Variants in SURF4 observed in about 807,000 individuals in gnomAD.
SURF4 encodes surfeit locus protein 4.
In SURF4, 3 loss-of-function variants were observed where a neutral mutation model predicts 30.0. That is an observed-to-expected ratio of 0.10 (90% CI 0.05 to 0.26). The LOEUF is 0.26. Among genes scored for constraint, SURF4 ranks in the 10% least tolerant of loss-of-function variants. The pLI is 1.00. For missense variants in SURF4, 217 were observed against 350.8 expected, an observed-to-expected ratio of 0.62 and a Z score of 3.05; for synonymous variants, 143 against 139.9, an observed-to-expected ratio of 1.02 and a Z score of -0.16.
Position 133,368,456 on chromosome 9 carries a change from T to G in SURF4, c.49-1011A>C, listed in dbSNP as rs960822928. Among the ~76,000 whole-genome samples, 4 of 152,258 alleles carry G rather than the reference T, an allele frequency of 2.6e-5. No individual in the cohort carries two copies. The South Asian group carries it at 8.3e-4, about 31-fold the overall frequency. ...CAAGCTCAGGATCTGACGTGGGGAC[T>G]GTGTGTGCAGCAACCGTCAGCGCAG... is the stretch of plus-strand genomic sequence containing the variant. On this transcript the variant is annotated intron_variant, in intron 1 of 5. Coordinates refer to ENST00000371989, the MANE Select transcript of SURF4 (RefSeq NM_033161.4).
At chr9:133,376,093 C>A, upstream of SURF4, 2 of 1,203,066 alleles carry the variant, frequency 1.7e-6, no homozygotes, top group Non-Finnish European at 2.1e-6. Context: ...GCGTCGGCTG[C>A]GGCTCCAGCG....
intron 1 of SURF4, chr9:133,371,228 A>G: frequency 1.4e-6 from 1 of 702,390 alleles, no homozygotes; most frequent in Non-Finnish European, 1.7e-6. Context: ...GATTTCCTTG[A>G]TCACCAAGGA....
intron 1 of SURF4, chr9:133,370,914 C>G: frequency 7.8e-7 from 1 of 1,289,704 alleles, no homozygotes; most frequent in Non-Finnish European, 1.0e-6. Flanking sequence ...CTCCGAGAAC[C>G]GCGCCATCAA....
chr9:133,365,408 GTC>G (rs1340149759), intron 4 of SURF4, among the ~76,000 whole-genome samples: 1 of 152,280 alleles, frequency 6.6e-6, no homozygotes, highest in East Asian at 1.9e-4. Flanking sequence ...GACGGCTTCA[GTC>G]TCTACTATTC....
At position 133,363,898 on chromosome 9, in the gene SURF4, G is replaced by T. The variant is rs2130095982; in HGVS notation, c.544-139C>A. 4.6e-6 allele frequency: 5 copies of T among 1,092,306 alleles called. No homozygotes were observed. Among genetic ancestry groups the T allele is most frequent in the African/African-American group, 3.1e-5 (2 of 64,038 alleles). The allele number at this position is 1,092,306 out of a possible 1,614,324, so 67.7% of individuals were successfully genotyped here. ...AGCTACTGCTGAGACGGCTGCTGGT[G>T]CAAGTAGGGAGATAAAAGCCAAAGG... On this transcript the variant is annotated intron_variant, in intron 5 of 5. Coordinates refer to ENST00000371989, the MANE Select transcript of SURF4 (RefSeq NM_033161.4). This position sits in a 1 kb window ranked among gnomAD's most constrained non-coding sequence, Gnocchi z 4.3.
intron 5 of SURF4, among the ~76,000 whole-genome samples, chr9:133,364,619 G>A (rs1439778309): frequency 2.0e-5 from 3 of 151,852 alleles, no homozygotes; most frequent in African/African-American, 4.8e-5. Flanking sequence ...GTGAACCCGG[G>A]AGGCGGAACT....
intron 1 of SURF4, 64 bp from the exon 2 acceptor site, chr9:133,367,509 G>A: frequency 6.2e-7 from 1 of 1,601,470 alleles, no homozygotes. Context: ...CCGCTGCCAG[G>A]CACGTCCTTG....
chr9:133,364,166 C>T lies in SURF4; in HGVS notation c.544-407G>A, dbSNP rs185835197. On this transcript the variant is annotated intron_variant, in intron 5 of 5. Coordinates refer to ENST00000371989, the MANE Select transcript of SURF4 (RefSeq NM_033161.4). The stretch of plus-strand genomic sequence containing the variant: ...GCTCTCAGTCAGCTCCGGAGGTGTG[C>T]TCTGGAAGCTCCTGGAGGCCTGCCC... Among the ~76,000 whole-genome samples the T allele has an allele frequency of 6.0e-3, 909 of 152,300 alleles. 6 individuals carry two copies. The highest frequency in any genetic ancestry group is 0.017 in the African/African-American group (707 of 41,556).
chr9:133,376,693 G>T (rs1837969322), upstream of SURF4: 2 of 735,046 alleles, frequency 2.7e-6, no homozygotes, highest in Non-Finnish European at 2.1e-6. Context: ...GCAGCTCCTA[G>T]GTTGAACCCG....
In SURF4 at chr9:133,373,524, A is replaced by G. The variant is rs2130208266; in HGVS notation, c.48+2398T>C. ...AGGCTGAGGCAGGAGAATAGCTTGA[A>G]CCCGGGAGGCGGAGGTTGCAGTGAG... On this transcript the variant is annotated intron_variant, in intron 1 of 5. Coordinates refer to ENST00000371989, the MANE Select transcript of SURF4 (RefSeq NM_033161.4). Among the ~76,000 whole-genome samples the G allele has an allele frequency of 3.7e-4, 56 of 151,642 alleles. 1 individual carries two copies. Among genetic ancestry groups the G allele is most frequent in the African/African-American group, 1.2e-3 (51 of 41,308 alleles).
intron 1 of SURF4, among the ~76,000 whole-genome samples, chr9:133,374,535 T>C (rs1444911918): frequency 6.6e-6 from 1 of 152,120 alleles, no homozygotes. Flanking sequence ...CACTCCAGCC[T>C]GGGCAACAAG....
At chr9:133,370,787 C>T (rs1384711836) in intron 1 of SURF4, 2 of 1,042,648 alleles carry the variant, frequency 1.9e-6, no homozygotes, top group African/African-American at 3.3e-5. Context: ...GTGACAGTCC[C>T]CCTCCCCCCC....
chr9:133,373,308 C>T (rs1398770758), intron 1 of SURF4, among the ~76,000 whole-genome samples: 1 of 152,174 alleles, frequency 6.6e-6, no homozygotes, highest in Non-Finnish European at 1.5e-5. Flanking sequence ...TAACAGAATA[C>T]ATGATGAAGG....
intron 1 of SURF4, chr9:133,375,314 A>G (rs1837821057): frequency 2.0e-6 from 2 of 985,428 alleles, no homozygotes; most frequent in African/African-American, 3.5e-5. Flanking sequence ...TCCCCACTCA[A>G]TCCAGCCCAG....
upstream of SURF4, among the ~76,000 whole-genome samples, chr9:133,377,125 T>C (rs1163519170): frequency 2.0e-4 from 30 of 152,324 alleles, no homozygotes; most frequent in Admixed American, 2.0e-3. Context: ...TTTGGAAGAA[T>C]TGTCTTTGTG....
At chr9:133,370,980 A>G (rs1165491093) in intron 1 of SURF4, 4 of 1,288,582 alleles carry the variant, frequency 3.1e-6, no homozygotes, top group Admixed American at 2.3e-5. Flanking sequence ...AGGAAGACTG[A>G]TATTTCTCTC....
chr9:133,365,161 A>C, intron 4 of SURF4, 135 bp from the exon 5 acceptor site: 1 of 800,974 alleles, frequency 1.2e-6, no homozygotes, highest in Non-Finnish European at 1.9e-6. Flanking sequence ...GTGATCTGCC[A>C]AGCAGGACCA....
chr9:133,367,134 A>C (rs2130135967), intron 2 of SURF4, 125 bp downstream of exon 2: 1,415 of 1,263,398 alleles, frequency 1.1e-3, no homozygotes, highest in Non-Finnish European at 1.4e-3. Context: ...GCTGAGCTGG[A>C]GAAGAGGGGA....
At chr9:133,366,722 G>C (rs2130132307) in intron 2 of SURF4, 47 bp from the exon 3 acceptor site, 3 of 1,576,666 alleles carry the variant, frequency 1.9e-6, no homozygotes, top group Non-Finnish European at 2.6e-6. Flanking sequence ...GGGTGCCGGC[G>C]GGGAGCACTG....
Sources: gnomAD v4.1 joint callset for allele counts (sites outside exome capture counted in the v4.1 genomes callset) on GRCh38, gnomAD v4.1.1 for gene constraint, Gnocchi (gnomAD v3.1) non-coding constraint, MANE v1.5 for transcripts, NCBI Gene and HGNC (gene_info 2026-07-23, HGNC 2026-07-21) for gene names.